Variants in RARS2 observed in about 807,000 individuals in gnomAD.
RARS2 encodes the protein probable arginine--tRNA ligase, mitochondrial.
Under a neutral mutation model 88.5 loss-of-function variants are expected in RARS2, and 67 were observed. The observed-to-expected ratio is 0.76, with a 90% confidence interval of 0.62 to 0.93. The LOEUF (loss-of-function observed/expected upper bound fraction) is 0.93, where lower values mean the gene tolerates loss of function less well. Among genes scored for constraint, RARS2 ranks in the 40% least tolerant of loss-of-function variants. RARS2 has a pLI of 0.00. For missense variants in RARS2, 664 were observed against 684.2 expected (o/e 0.97, Z 0.33); for synonymous variants, 239 against 230.3 (o/e 1.04, Z -0.34).
At chr6:87,577,118 G>A (rs1334057270) in intron 1 of RARS2, among the ~76,000 whole-genome samples, 1 of 152,182 alleles carries the variant, frequency 6.6e-6, no homozygotes, top group Non-Finnish European at 1.5e-5. Context: ...CATGGTATCA[G>A]AAGAAAAAAT....
chr6:87,528,185 T>C (rs1317882679), intron 10 of RARS2, among the ~76,000 whole-genome samples: 1 of 146,012 alleles, frequency 6.8e-6, no homozygotes, highest in Non-Finnish European at 1.5e-5. Flanking sequence ...AATACAAAAT[T>C]AAAACCACAA....
intron 1 of RARS2, among the ~76,000 whole-genome samples, chr6:87,573,923 G>A (rs1318140032): frequency 6.6e-6 from 1 of 152,220 alleles, no homozygotes; most frequent in African/African-American, 2.4e-5. Flanking sequence ...GCTTCTGGAG[G>A]AGAATGGAAC....
At chr6:87,579,658 A>G (rs918596745) in intron 1 of RARS2, among the ~76,000 whole-genome samples, 1 of 151,710 alleles carries the variant, frequency 6.6e-6, no homozygotes, top group Admixed American at 6.6e-5. Flanking sequence ...CAGCATAAAA[A>G]AAAAAGAGAG....
chr6:87,589,340 G>T (rs1392443485), intron 1 of RARS2, among the ~76,000 whole-genome samples: 2 of 152,112 alleles, frequency 1.3e-5, no homozygotes, highest in Non-Finnish European at 2.9e-5. Context: ...GCGAGACCCC[G>T]TTCTCCACAA....
intron 6 of RARS2, among the ~76,000 whole-genome samples, chr6:87,547,924 G>T (rs1002728377): frequency 1.3e-5 from 2 of 152,190 alleles, no homozygotes; most frequent in Admixed American, 6.5e-5. Context: ...ACAGGTGTGA[G>T]CCACTATGCC....
rs1582278290 is a variant in RARS2, at chr6:87,519,668, C to T, written c.1152G>A (p.Lys384=). 1 of 1,613,600 alleles carries T rather than the reference C, an allele frequency of 6.2e-7. No individual in the cohort carries two copies. Among genetic ancestry groups the T allele is most frequent in the South Asian group, 1.1e-5 (1 of 91,064 alleles). The change falls in exon 14 of 20, where the codon AAG becomes AAA. Residue 384 remains lysine, a synonymous_variant. Coordinates refer to ENST00000369536, the MANE Select transcript of RARS2 (RefSeq NM_020320.5). ...GGAAAGTGACATCTCCTCTTCGAGT[C>T]TTCATTCCCTGTACTACTCCAAAGG... is the stretch of plus-strand genomic sequence containing the variant. ...HVPFGVVQGM[K]TRRGDVTFLE... is the part of the protein sequence containing the mutation.
chr6:87,535,676 GTT>G (rs10710147), intron 8 of RARS2, among the ~76,000 whole-genome samples: 82 of 111,356 alleles, frequency 7.4e-4, no homozygotes, highest in African/African-American at 1.9e-3. Flanking sequence ...TAACTGTTTT[GTT>G]TTTTTTTTTT....
intron 10 of RARS2, 126 bp downstream of exon 10, chr6:87,529,416 G>C (rs888332485): frequency 1.4e-6 from 1 of 721,558 alleles, no homozygotes; most frequent in Non-Finnish European, 2.5e-6. Flanking sequence ...CTCTGAACAG[G>C]AAAAAGCACT....
intron 8 of RARS2, 40 bp downstream of exon 8, chr6:87,541,878 T>C (rs527528072): frequency 3.4e-5 from 48 of 1,431,284 alleles, no homozygotes; most frequent in Non-Finnish European, 4.4e-5. Context: ...AGCTACATAG[T>C]ACTCTGAAAA....
intron 8 of RARS2, among the ~76,000 whole-genome samples, chr6:87,535,671 G>GTTTTTTTT (rs33991266): frequency 1.5e-5 from 2 of 129,970 alleles, no homozygotes; most frequent in Non-Finnish European, 3.2e-5. Context: ...TTATGTAACT[G>GTTTTTTTT]TTTTGTTTTT....
chr6:87,576,966 G>A (rs537371484), intron 1 of RARS2, among the ~76,000 whole-genome samples: 18 of 152,254 alleles, frequency 1.2e-4, no homozygotes, highest in Admixed American at 9.8e-4. Flanking sequence ...ATATTATATA[G>A]GAATAGATTC....
At chr6:87,589,411 G>A (rs187940524) in intron 1 of RARS2, among the ~76,000 whole-genome samples, 2 of 152,254 alleles carry the variant, frequency 1.3e-5, no homozygotes, top group African/African-American at 4.8e-5. Flanking sequence ...TCACAACAGA[G>A]CTGTTCAAAT....
chr6:87,519,184 ATGTGTG>A (rs374177464), intron 14 of RARS2: 16 of 224,988 alleles, frequency 7.1e-5, no homozygotes, highest in East Asian at 5.5e-4. Context: ...ATAAATATAT[ATGTGTG>A]TGTGTGTGTG....
chr6:87,570,698 G>A (rs1165415164), intron 1 of RARS2, among the ~76,000 whole-genome samples: 3 of 152,068 alleles, frequency 2.0e-5, no homozygotes. Context: ...GACATTATAG[G>A]CGTAAACCAC....
At chr6:87,577,337 G>A (rs1771877137) in intron 1 of RARS2, among the ~76,000 whole-genome samples, 1 of 152,020 alleles carries the variant, frequency 6.6e-6, no homozygotes, top group South Asian at 2.1e-4. Flanking sequence ...GACTACAGGT[G>A]TACACCACCA....
intron 3 of RARS2, among the ~76,000 whole-genome samples, chr6:87,563,661 C>A (rs1463536294): frequency 6.6e-6 from 1 of 152,122 alleles, no homozygotes; most frequent in East Asian, 1.9e-4. Context: ...GATATCAAAC[C>A]CATCAGAGAA....
chr6:87,519,566 G>GA lies in RARS2; in HGVS notation c.1237+16dup, dbSNP rs752406832. 6.2e-7 allele frequency: 1 copy of GA among 1,607,806 alleles called. No homozygotes were observed. Among genetic ancestry groups the GA allele is most frequent in the Non-Finnish European group, 8.5e-7 (1 of 1,174,646 alleles). Reference sequence around the variant, plus strand: ...GGCACGTAAGTTATGACTTTAATAAGAAAAAACTGAATTCACTCTTAATTG... The same window carrying GA: ...GGCACGTAAGTTATGACTTTAATAAGAAAAAAACTGAATTCACTCTTAATTG... On this transcript the variant is annotated intron_variant, in intron 14 of 19. Transcript: ENST00000369536.
At position 87,530,225 on chromosome 6, in the gene RARS2, C is replaced by T. The variant is rs939882555; in HGVS notation, c.771+559G>A. Among the ~76,000 whole-genome samples the T allele has an allele frequency of 5.9e-5, 9 of 152,262 alleles. 2 individuals carry two copies. In the Middle Eastern group the frequency reaches 0.017, roughly 288 times the overall value. ...TACTAGCTCTTCAACCTTCTCCTGT[C>T]GTTCATCTTGCTTACTTACTCCAGT... On this transcript the variant is annotated intron_variant, in intron 9 of 19. Transcript: ENST00000369536.
At chr6:87,559,463 CAAAAAAAAAAAAAAAAA>C (rs753856335) in intron 4 of RARS2, among the ~76,000 whole-genome samples, 1 of 93,298 alleles carries the variant, frequency 1.1e-5, no homozygotes, top group South Asian at 3.6e-4. Flanking sequence ...AACTCTGTCT[CAAAAAAAAAAAAAAAAA>C]AAAAAAAAAA....
Sources: allele counts gnomAD v4.1 joint callset (sites outside exome capture counted in the v4.1 genomes callset), GRCh38; gene constraint gnomAD v4.1.1; transcripts MANE v1.5; gene names NCBI Gene and HGNC (gene_info 2026-07-23, HGNC 2026-07-21).